Variants in DLGAP4 observed in about 807,000 individuals in gnomAD.
DLGAP4 encodes the protein DLG associated protein 4, also known as disks large-associated protein 4.
Under a neutral mutation model 86.9 loss-of-function variants are expected in DLGAP4, and 18 were observed. The observed-to-expected ratio is 0.21, with a 90% CI of 0.14 to 0.31. The LOEUF is 0.31. Among genes scored for constraint, DLGAP4 ranks in the 10% least tolerant of loss-of-function variants. The pLI, the probability that DLGAP4 is intolerant of heterozygous loss-of-function variation, is 1.00. For synonymous variants in DLGAP4, 548 were observed against 574.3 expected, an observed-to-expected ratio of 0.95 and a Z score of 0.65; for missense variants, 1,085 against 1,362.6, an observed-to-expected ratio of 0.80 and a Z score of 3.21.
intron 2 of DLGAP4, among the ~76,000 whole-genome samples, chr20:36,368,906 A>T (rs1688426954): frequency 6.6e-6 from 1 of 152,182 alleles, no homozygotes; most frequent in Non-Finnish European, 1.5e-5. Context: ...GTGAGGGCTC[A>T]TCTGTTAACA....
intron 1 of DLGAP4, among the ~76,000 whole-genome samples, chr20:36,360,994 G>T (rs998637294): frequency 6.6e-6 from 1 of 152,030 alleles, no homozygotes; most frequent in East Asian, 1.9e-4. Context: ...GTCAGTATGG[G>T]TGGTGATTCG....
Position 36,522,617 on chromosome 20 carries a change from G to A in DLGAP4, c.2513-1633G>A, listed in dbSNP as rs562045452. On this transcript the variant is annotated intron_variant, in intron 10 of 12. Coordinates refer to ENST00000339266, the MANE Select transcript of DLGAP4 (RefSeq NM_001365621.2). ...GCTCACTGCAACCTCCGCCTCCCAG[G>A]TTCAGATTCTCCTATCTCAGCCTCC... 1.2e-4 allele frequency among the ~76,000 whole-genome samples: 19 copies of A among 152,262 alleles called. No homozygotes were observed. The East Asian group carries it at 3.5e-3, about 28-fold the overall frequency.
At chr20:36,482,765 G>A (rs75538373) in intron 7 of DLGAP4, among the ~76,000 whole-genome samples, 1 of 152,066 alleles carries the variant, frequency 6.6e-6, no homozygotes, top group African/African-American at 2.4e-5. Context: ...TCTGTCTCCC[G>A]GGTTCAAGTG....
At chr20:36,447,296 G>C (rs1434353786) in intron 7 of DLGAP4, among the ~76,000 whole-genome samples, 1 of 152,336 alleles carries the variant, frequency 6.6e-6, no homozygotes, top group East Asian at 1.9e-4. Flanking sequence ...AGGCAAACCT[G>C]TAGGGCAGGT....
At chr20:36,399,942 A>G (rs1376147407) in intron 2 of DLGAP4, among the ~76,000 whole-genome samples, 1 of 152,222 alleles carries the variant, frequency 6.6e-6, no homozygotes, top group Non-Finnish European at 1.5e-5. Flanking sequence ...ACTAGCTTTT[A>G]GAGGGCAGGA....
At chr20:36,307,916 G>T (rs1469852693) in intron 1 of DLGAP4, among the ~76,000 whole-genome samples, 3 of 152,224 alleles carry the variant, frequency 2.0e-5, no homozygotes, top group African/African-American at 7.2e-5. Context: ...GTCCCTCCTT[G>T]GTGGCCACCT....
At chr20:36,405,264 C>T (rs74321333) in intron 2 of DLGAP4, among the ~76,000 whole-genome samples, 11,736 of 152,218 alleles carry the variant, frequency 0.077, 575 homozygotes, top group South Asian at 0.23. Context: ...GTTCAAATCC[C>T]ATCTCTGTAA....
intron 1 of DLGAP4, among the ~76,000 whole-genome samples, chr20:36,326,829 T>C (rs1326598006): frequency 2.6e-5 from 4 of 152,096 alleles, no homozygotes; most frequent in African/African-American, 9.7e-5. Context: ...AAGTTATTTT[T>C]GCTGGGCATG....
At position 36,346,158 on chromosome 20, in the gene DLGAP4, G is replaced by A. The variant is rs900226836; in HGVS notation, c.-303-20887G>A. 6.6e-5 allele frequency among the ~76,000 whole-genome samples: 10 copies of A among 152,172 alleles called. No homozygotes were observed. In the East Asian group the frequency reaches 9.6e-4, roughly 15 times the overall value. On this transcript the variant is annotated intron_variant, in intron 1 of 12. Transcript: ENST00000339266. ...GTAATCCCTTGGAGGGACTTGATGCGAATCCCTGGCCTCACCAAGACCACT... is the reference window on the plus strand; with the variant it reads ...GTAATCCCTTGGAGGGACTTGATGCAAATCCCTGGCCTCACCAAGACCACT...
At chr20:36,495,730 G>T (rs2147761761) in intron 7 of DLGAP4, among the ~76,000 whole-genome samples, 1 of 152,318 alleles carries the variant, frequency 6.6e-6, no homozygotes, top group South Asian at 2.1e-4. Flanking sequence ...GGAGAACAGG[G>T]AGTTGGACCA....
intron 7 of DLGAP4, chr20:36,461,655 GCCGCCCCGCCCGGCCCGGC>G (rs1159800131): frequency 2.8e-5 from 10 of 352,260 alleles, no homozygotes; most frequent in Non-Finnish European, 2.8e-5. Flanking sequence ...GGAGACGGGG[GCCGCCCCGCCCGGCCCGGC>G]CCGGCCCTGC....
chr20:36,443,942 G>A (rs1413974187), intron 6 of DLGAP4, among the ~76,000 whole-genome samples: 1 of 152,194 alleles, frequency 6.6e-6, no homozygotes, highest in Non-Finnish European at 1.5e-5. Context: ...GGGAAACTGA[G>A]GCACAAAGCA....
At chr20:36,408,376 C>A (rs529064651) in intron 2 of DLGAP4, among the ~76,000 whole-genome samples, 1 of 152,020 alleles carries the variant, frequency 6.6e-6, no homozygotes, top group Non-Finnish European at 1.5e-5. Context: ...TATCTGCACC[C>A]GAGGACTAAG....
chr20:36,381,822 G>A (rs1244141621), intron 2 of DLGAP4, among the ~76,000 whole-genome samples: 1 of 152,180 alleles, frequency 6.6e-6, no homozygotes, highest in Admixed American at 6.5e-5. Flanking sequence ...TGTGTAGGAG[G>A]CTGATGTAGA....
chr20:36,389,667 A>G (rs1600470986), intron 2 of DLGAP4, among the ~76,000 whole-genome samples: 1 of 152,212 alleles, frequency 6.6e-6, no homozygotes, highest in East Asian at 1.9e-4. Context: ...AATAAATAAG[A>G]GAAAAGGAGA....
At chr20:36,324,935 T>G (rs1555890907) in intron 1 of DLGAP4, among the ~76,000 whole-genome samples, 1 of 152,218 alleles carries the variant, frequency 6.6e-6, no homozygotes, top group Non-Finnish European at 1.5e-5. Context: ...TTCTTATTGT[T>G]TGTTTTCTCT....
intron 1 of DLGAP4, among the ~76,000 whole-genome samples, chr20:36,343,730 G>A (rs1277390755): frequency 6.6e-6 from 1 of 152,208 alleles, no homozygotes; most frequent in East Asian, 1.9e-4. Context: ...TTGGGTGCAT[G>A]TCTGGGCCTT....
intron 1 of DLGAP4, among the ~76,000 whole-genome samples, chr20:36,326,698 C>A (rs1230223009): frequency 6.6e-6 from 1 of 152,088 alleles, no homozygotes; most frequent in Non-Finnish European, 1.5e-5. Context: ...ATATTTCTCT[C>A]TGGTATCATT....
intron 8 of DLGAP4, 121 bp from the exon 9 acceptor site, chr20:36,499,463 GTGTC>G: frequency 2.2e-6 from 3 of 1,340,342 alleles, no homozygotes; most frequent in Non-Finnish European, 3.1e-6. Context: ...CGCATGCCTC[GTGTC>G]TGTCTGTCCA....
Sources: gnomAD v4.1 joint callset for allele counts (sites outside exome capture counted in the v4.1 genomes callset) on GRCh38, gnomAD v4.1.1 for gene constraint, MANE v1.5 for transcripts, NCBI Gene and HGNC (gene_info 2026-07-23, HGNC 2026-07-21) for gene names.